CNTRL: variants seen among roughly 807,000 people sequenced by gnomAD.
CNTRL encodes the protein 110 kDa centrosomal protein.
In CNTRL, 233 loss-of-function variants were observed where a neutral mutation model predicts 303.7. The observed-to-expected ratio is 0.77, with a 90% CI of 0.69 to 0.86. CNTRL has a LOEUF of 0.86. CNTRL is among the 40% of genes least tolerant of loss of function. The pLI is 0.00. For missense variants in CNTRL, 2,524 were observed against 2,650.6 expected, an observed-to-expected ratio of 0.95 and a Z score of 1.05; for synonymous variants, 900 against 922.2, an observed-to-expected ratio of 0.98 and a Z score of 0.44.
At chr9:121,095,052 G>T (rs2048831191) in intron 5 of CNTRL, 34 bp downstream of exon 5, 2 of 1,535,518 alleles carry the variant, frequency 1.3e-6, no homozygotes, top group South Asian at 2.4e-5. Context: ...AGGCAGCATT[G>T]CAGATAGCTT....
intron 32 of CNTRL, chr9:121,161,221 G>A: frequency 4.8e-6 from 2 of 420,936 alleles, no homozygotes; most frequent in Non-Finnish European, 8.8e-6. Flanking sequence ...AGTGATTTGG[G>A]GTGGTGAAAT....
chr9:121,119,641 G>A (rs553243423), intron 12 of CNTRL, among the ~76,000 whole-genome samples: 33 of 149,946 alleles, frequency 2.2e-4, no homozygotes, highest in South Asian at 4.2e-4. Context: ...GATTACAGGC[G>A]CGCACCACCA....
intron 12 of CNTRL, among the ~76,000 whole-genome samples, chr9:121,119,367 C>T (rs2133330267): frequency 6.6e-6 from 1 of 150,938 alleles, no homozygotes; most frequent in South Asian, 2.1e-4. Flanking sequence ...GCAATCTCCG[C>T]TCACTGCAAC....
At position 121,152,671 on chromosome 9, in the gene CNTRL, G is replaced by C. The variant is rs771969967; in HGVS notation, c.4150G>C (p.Val1384Leu). Reference protein sequence around the residue: ...ECEVEELHRTVQKRQQQKDFI... With the variant: ...ECEVEELHRTLQKRQQQKDFI... Reference sequence around the variant, plus strand: ...TGAAGTAGAAGAATTACATAGAACTGTCCAGAAACGTCAACAGCAAAAGTA... The same window carrying C: ...TGAAGTAGAAGAATTACATAGAACTCTCCAGAAACGTCAACAGCAAAAGTA... Residue 1384 changes from valine (V) to leucine (L), a missense_variant, in exon 26 of 44, where the codon GTC becomes CTC. Coordinates refer to ENST00000373855, the MANE Select transcript of CNTRL (RefSeq NM_007018.6). The C allele has an allele frequency of 1.1e-5, 18 of 1,610,220 alleles. No individual in the cohort carries two copies. The highest frequency in any genetic ancestry group is 1.4e-5 in the Non-Finnish European group (17 of 1,177,966).
chr9:121,126,477 A>G (rs1195400548), intron 14 of CNTRL, among the ~76,000 whole-genome samples: 2 of 152,210 alleles, frequency 1.3e-5, no homozygotes, highest in Admixed American at 1.3e-4. Context: ...CTTCTTGTTC[A>G]GTAGAGCTGG....
At chr9:121,113,348 A>G (rs983404456) in intron 9 of CNTRL, among the ~76,000 whole-genome samples, 154 bp from the exon 10 acceptor site, 3 of 152,200 alleles carry the variant, frequency 2.0e-5, no homozygotes, top group Non-Finnish European at 4.4e-5. Flanking sequence ...AGAAGAAGAT[A>G]AAAGAATAAT....
Position 121,080,356 on chromosome 9 carries a change from A to G in CNTRL, c.-154A>G, listed in dbSNP as rs564728526. The G allele has an allele frequency of 4.6e-5, 7 of 152,328 alleles. No homozygotes were observed. The highest frequency in any genetic ancestry group is 4.6e-4 in the Admixed American group (7 of 15,302). The allele number at this position is 152,328 out of a possible 1,614,324, so 9.4% of individuals were successfully genotyped here. A position where few individuals can be genotyped will look rare whatever the true frequency, so the allele number is the denominator to read the frequency against. The stretch of plus-strand genomic sequence containing the variant: ...GGCTGCAGTGCAGTGGCCAGTCACA[A>G]GGTTGATCATAGCACATTGTAGCCT... On this transcript the variant is annotated 5_prime_UTR_variant, in exon 2 of 44. Transcript: ENST00000373855.
At chr9:121,121,618 AAC>A (rs752230339) in intron 12 of CNTRL, among the ~76,000 whole-genome samples, 2 of 152,228 alleles carry the variant, frequency 1.3e-5, no homozygotes, top group East Asian at 1.9e-4. Context: ...AGCAAAAGGT[AAC>A]TGTTCGCTAG....
intron 7 of CNTRL, among the ~76,000 whole-genome samples, chr9:121,107,081 G>A (rs2049511276): frequency 6.6e-6 from 1 of 152,124 alleles, no homozygotes; most frequent in Non-Finnish European, 1.5e-5. Flanking sequence ...GGGCCAAGCA[G>A]AATTTCAGGG....
intron 8 of CNTRL, among the ~76,000 whole-genome samples, chr9:121,111,855 T>C (rs2049763000): frequency 6.6e-6 from 1 of 152,178 alleles, no homozygotes; most frequent in African/African-American, 2.4e-5. Flanking sequence ...GTAGAATTAC[T>C]TTATTAAAAT....
chr9:121,162,114 T>A lies in CNTRL; in HGVS notation c.5266T>A (p.Trp1756Arg). 6.2e-7 allele frequency: 1 copy of A among 1,613,984 alleles called. No homozygotes were observed. The highest frequency in any genetic ancestry group is 1.3e-5 in the African/African-American group (1 of 74,984). ...ISQQQKGEIE[W>R]QKQLLERDKR... ...CCAGCAGCAGAAAGGGGAAATAGAGTGGCAGAAGCAGCTCCTTGAGAGGGA... is the reference window on the plus strand; with the variant it reads ...CCAGCAGCAGAAAGGGGAAATAGAGAGGCAGAAGCAGCTCCTTGAGAGGGA... The change falls in exon 34 of 44, where the codon TGG (tryptophan) becomes AGG (arginine). Residue 1756 changes from tryptophan (W) to arginine (R), a missense_variant. By Grantham distance (101) the Trp-to-Arg change is moderately radical. Coordinates refer to ENST00000373855, the MANE Select transcript of CNTRL (RefSeq NM_007018.6).
At chr9:121,119,804 C>T (rs564291791) in intron 12 of CNTRL, among the ~76,000 whole-genome samples, 2 of 152,174 alleles carry the variant, frequency 1.3e-5, no homozygotes, top group Non-Finnish European at 2.9e-5. Flanking sequence ...CTTCATCTTT[C>T]TTAAGAGCAG....
chr9:121,122,737 T>C (rs1232868769), intron 12 of CNTRL, among the ~76,000 whole-genome samples: 1 of 152,296 alleles, frequency 6.6e-6, no homozygotes, highest in Non-Finnish European at 1.5e-5. Context: ...GACTAGATCA[T>C]TGGCTCTCGA....
chr9:121,145,092 GT>G (rs2051761377), intron 21 of CNTRL, 133 bp downstream of exon 21: 1 of 1,122,014 alleles, frequency 8.9e-7, no homozygotes, highest in Non-Finnish European at 1.3e-6. Context: ...ATCCTCTACT[GT>G]GTGCCAGGCT....
At chr9:121,139,827 A>G (rs868549757) in intron 16 of CNTRL, among the ~76,000 whole-genome samples, 3 of 152,206 alleles carry the variant, frequency 2.0e-5, no homozygotes, top group African/African-American at 4.8e-5. Context: ...TTCACCTGCA[A>G]ATACTTAAGT....
intron 7 of CNTRL, among the ~76,000 whole-genome samples, chr9:121,105,331 C>T (rs1401847362): frequency 6.6e-6 from 1 of 152,136 alleles, no homozygotes; most frequent in African/African-American, 2.4e-5. Context: ...TTGGATAATT[C>T]CCAGGCTTTT....
At position 121,152,555 on chromosome 9, in the gene CNTRL, T is replaced by TGA. The variant is rs2052336854; in HGVS notation, c.4038_4039dup (p.Ala1347GlufsTer28). 1 of 1,613,924 alleles carries TGA rather than the reference T, an allele frequency of 6.2e-7. No individual in the cohort carries two copies. Among genetic ancestry groups the TGA allele is most frequent in the South Asian group, 1.1e-5 (1 of 91,088 alleles). ...TCAAAGAAGCGGGAAGAAAGGTGGA[T>TGA]GAGAGCATCCAAGCGGCAGTCGGAG... On this transcript the variant is annotated frameshift_variant, in exon 26 of 44. Transcript: ENST00000373855. LOFTEE classifies it high-confidence loss of function.
chr9:121,148,755 C>G lies in CNTRL; in HGVS notation c.3543C>G (p.Arg1181=). The G allele has an allele frequency of 6.2e-7, 1 of 1,614,118 alleles. No individual in the cohort carries two copies. Among genetic ancestry groups the G allele is most frequent in the Non-Finnish European group, 8.5e-7 (1 of 1,179,998 alleles). The change falls in exon 24 of 44, where the codon CGC becomes CGG. Residue 1181 remains arginine, a synonymous_variant. Transcript: ENST00000373855. ...YSASTPVRKP[R]PGQQDGKEGS... ...CCTCAACTCCTGTTAGAAAACCACGCCCTGGGCAGCAGGATGGGAAGGAAG... is the reference window on the plus strand; with the variant it reads ...CCTCAACTCCTGTTAGAAAACCACGGCCTGGGCAGCAGGATGGGAAGGAAG...
At chr9:121,132,424 G>A (rs1426272497) in intron 14 of CNTRL, among the ~76,000 whole-genome samples, 2 of 152,000 alleles carry the variant, frequency 1.3e-5, no homozygotes, top group Admixed American at 1.3e-4. Flanking sequence ...TGATCAAATT[G>A]GCTACTGAAG....
Sources: gnomAD v4.1 joint callset for allele counts (sites outside exome capture counted in the v4.1 genomes callset) on GRCh38, gnomAD v4.1.1 for gene constraint, MANE v1.5 for transcripts, NCBI Gene and HGNC (gene_info 2026-07-23, HGNC 2026-07-21) for gene names.